Variants in OSBPL10 observed in about 807,000 individuals in gnomAD.
OSBPL10 encodes the protein oxysterol binding protein like 10.
A neutral mutation model predicts 81.7 loss-of-function variants in OSBPL10; 49 were observed. That is an observed-to-expected ratio of 0.60 (90% CI 0.48 to 0.76). The LOEUF is 0.76. Among genes scored for constraint, OSBPL10 ranks in the 30% least tolerant of loss-of-function variants. The pLI is 0.00. For missense variants in OSBPL10, 923 were observed against 987.8 expected (o/e 0.93, Z 0.88); for synonymous variants, 419 against 383.6 (o/e 1.09, Z -1.08).
intron 1 of OSBPL10, among the ~76,000 whole-genome samples, chr3:31,947,477 T>C (rs1697736983): frequency 1.3e-5 from 2 of 152,116 alleles, no homozygotes; most frequent in African/African-American, 2.4e-5. Flanking sequence ...AGTGTCCAAA[T>C]TACCAATGGC....
chr3:31,935,309 T>C (rs537446630), intron 1 of OSBPL10, among the ~76,000 whole-genome samples: 1 of 152,264 alleles, frequency 6.6e-6, no homozygotes, highest in East Asian at 1.9e-4. Context: ...TCAAAATACA[T>C]ATTTGATGTT....
intron 3 of OSBPL10, among the ~76,000 whole-genome samples, chr3:31,832,897 T>C (rs1169027438): frequency 6.6e-6 from 1 of 152,200 alleles, no homozygotes; most frequent in East Asian, 1.9e-4. Flanking sequence ...TAAATGTTAA[T>C]GATCCATCGT....
intron 3 of OSBPL10, among the ~76,000 whole-genome samples, chr3:31,840,978 G>A (rs986295609): frequency 6.6e-6 from 1 of 152,124 alleles, no homozygotes; most frequent in African/African-American, 2.4e-5. Flanking sequence ...GCGTGATCTC[G>A]GCTCACCACA....
chr3:32,028,218 G>A lies in OSBPL10; in HGVS notation n.298+18273C>T, dbSNP rs922631566. ...GTGTTACAGACATAAATGTGTGCCTGTCAACTTGGTCTTCATGTCAAATGT... is the reference window on the plus strand; with the variant it reads ...GTGTTACAGACATAAATGTGTGCCTATCAACTTGGTCTTCATGTCAAATGT... On this transcript the variant is annotated intron_variant and non_coding_transcript_variant, in intron 2 of 3. Coordinates refer to the OSBPL10 transcript ENST00000479173. Among the ~76,000 whole-genome samples, 13 of 152,340 alleles carry A rather than the reference G, an allele frequency of 8.5e-5. No individual in the cohort carries two copies. In the Middle Eastern group the frequency reaches 0.01, roughly 120 times the overall value.
At chr3:31,812,586 A>G (rs1000514316) in intron 4 of OSBPL10, among the ~76,000 whole-genome samples, 1 of 152,042 alleles carries the variant, frequency 6.6e-6, no homozygotes, top group Non-Finnish European at 1.5e-5. Context: ...AGGAAATTCT[A>G]AATAACATGC....
At chr3:31,994,550 A>T (rs7639637) in intron 2 of OSBPL10, among the ~76,000 whole-genome samples, 4 of 151,858 alleles carry the variant, frequency 2.6e-5, no homozygotes, top group African/African-American at 9.7e-5. Context: ...TGCCAGCCTA[A>T]CTGCATGCCT....
At chr3:31,822,732 A>G (rs1479426401) in intron 4 of OSBPL10, among the ~76,000 whole-genome samples, 3 of 151,944 alleles carry the variant, frequency 2.0e-5, no homozygotes, top group African/African-American at 7.3e-5. Flanking sequence ...CAACATAGCA[A>G]GACCCCATAT....
At chr3:31,954,428 G>A (rs556685491) in intron 1 of OSBPL10, among the ~76,000 whole-genome samples, 44 of 152,316 alleles carry the variant, frequency 2.9e-4, no homozygotes, top group East Asian at 5.8e-4. Context: ...AAAGCTAGCC[G>A]TCTCAGCAAT....
intron 2 of OSBPL10, among the ~76,000 whole-genome samples, chr3:32,008,855 T>A (rs1190486293): frequency 6.6e-6 from 1 of 152,088 alleles, no homozygotes; most frequent in Non-Finnish European, 1.5e-5. Context: ...TGTTAAGAGA[T>A]TTTTTAAAAG....
intron 4 of OSBPL10, among the ~76,000 whole-genome samples, chr3:31,812,032 A>C (rs1308822146): frequency 1.3e-5 from 2 of 152,112 alleles, no homozygotes; most frequent in Non-Finnish European, 2.9e-5. Context: ...AAATTTATTT[A>C]TTTATTTATT....
chr3:31,976,610 C>A (rs904277094), intron 1 of OSBPL10, among the ~76,000 whole-genome samples: 4 of 152,086 alleles, frequency 2.6e-5, no homozygotes, highest in Non-Finnish European at 5.9e-5. Flanking sequence ...AAGCCACCAC[C>A]ACTGGCTAAT....
intron 1 of OSBPL10, among the ~76,000 whole-genome samples, chr3:31,976,366 G>T (rs1287561443): frequency 6.6e-6 from 1 of 152,218 alleles, no homozygotes; most frequent in Non-Finnish European, 1.5e-5. Context: ...GAAGCCCAGT[G>T]CAATTAAAGA....
chr3:31,729,155 T>C (rs929025796), intron 6 of OSBPL10, among the ~76,000 whole-genome samples: 3 of 152,178 alleles, frequency 2.0e-5, no homozygotes, highest in Non-Finnish European at 4.4e-5. Flanking sequence ...ACCTGACTTT[T>C]AAAAAACAGT....
chr3:32,014,145 A>T (rs927902505), intron 2 of OSBPL10, among the ~76,000 whole-genome samples: 1 of 152,230 alleles, frequency 6.6e-6, no homozygotes, highest in Non-Finnish European at 1.5e-5. Context: ...ACAACAAAAA[A>T]AGAGAATTTT....
At chr3:32,022,677 C>T (rs182962894) in intron 2 of OSBPL10, among the ~76,000 whole-genome samples, 1 of 152,074 alleles carries the variant, frequency 6.6e-6, no homozygotes, top group African/African-American at 2.4e-5. Flanking sequence ...ATTTGGGAGG[C>T]TGAGGTGGGA....
At chr3:31,665,240 C>T (rs559164692) in intron 10 of OSBPL10, among the ~76,000 whole-genome samples, 1 of 152,288 alleles carries the variant, frequency 6.6e-6, no homozygotes, top group South Asian at 2.1e-4. Flanking sequence ...CATGATAAAT[C>T]AGGACACCAC....
At chr3:31,669,746 G>A (rs1162491716) in intron 9 of OSBPL10, among the ~76,000 whole-genome samples, 1 of 152,206 alleles carries the variant, frequency 6.6e-6, no homozygotes, top group Non-Finnish European at 1.5e-5. Context: ...CAGGAACGGG[G>A]ATGCCTGCCC....
rs1193485489 is a variant in OSBPL10 at position 31,837,318 on chromosome 3, AAATTATATATATATATATATATAT to A, written c.538-7111_538-7088del. 7.2e-5 allele frequency among the ~76,000 whole-genome samples: 7 copies of A among 97,558 alleles called. No homozygotes were observed. In the South Asian group the frequency reaches 1.8e-3, roughly 26 times the overall value. The allele number at this position is 97,558 out of a possible 152,430, so 64.0% of individuals were successfully genotyped here. On this transcript the variant is annotated intron_variant, in intron 3 of 11. Transcript: ENST00000396556. Reference sequence around the variant, plus strand: ...TATATTCCTAGAATTACAGATCCCCAAATTATATATATATATATATATATATATATATATATATATATATATATA... The same window carrying A: ...TATATTCCTAGAATTACAGATCCCCAATATATATATATATATATATATATA...
intron 3 of OSBPL10, among the ~76,000 whole-genome samples, chr3:31,852,361 C>T (rs986272347): frequency 6.6e-6 from 1 of 152,104 alleles, no homozygotes; most frequent in Admixed American, 6.5e-5. Context: ...ATGTGCTGAA[C>T]ATCCTACAAT....
Sources: gnomAD v4.1 joint callset for allele counts (sites outside exome capture counted in the v4.1 genomes callset) on GRCh38, gnomAD v4.1.1 for gene constraint, MANE v1.5 for transcripts, NCBI Gene and HGNC (gene_info 2026-07-23, HGNC 2026-07-21) for gene names.